Variants in RGS22 observed in about 807,000 individuals in gnomAD.
RGS22 encodes the protein regulator of G-protein signaling 22.
RGS22 carries 148 observed loss-of-function variants against 172.9 expected under a neutral mutation model. The ratio of observed to expected loss-of-function variants is 0.86; its 90% CI spans 0.75 to 0.98. The LOEUF is 0.98. Among genes scored for constraint, RGS22 ranks in the 50% least tolerant of loss-of-function variants. The pLI is 0.00. For missense variants in RGS22, 1,347 were observed against 1,440.8 expected (o/e 0.93, Z 1.05); for synonymous variants, 458 against 480.2 (o/e 0.95, Z 0.60).
chr8:100,095,922 G>C (rs1245750293), intron 2 of RGS22, among the ~76,000 whole-genome samples: 1 of 152,228 alleles, frequency 6.6e-6, no homozygotes, highest in Non-Finnish European at 1.5e-5. Flanking sequence ...TGGGAAATAA[G>C]TGTTGCCTGC....
intron 19 of RGS22, among the ~76,000 whole-genome samples, chr8:99,998,482 A>T (rs1814630434): frequency 6.6e-6 from 1 of 152,130 alleles, no homozygotes; most frequent in African/African-American, 2.4e-5. Context: ...AGGCAGGAAG[A>T]TTGATTGAGC....
chr8:99,983,640 C>T (rs1812783531), intron 21 of RGS22, among the ~76,000 whole-genome samples: 1 of 152,024 alleles, frequency 6.6e-6, no homozygotes, highest in African/African-American at 2.4e-5. Context: ...CCAAAATGAG[C>T]TAGTTTTAAA....
intron 19 of RGS22, among the ~76,000 whole-genome samples, chr8:99,997,004 C>G (rs1814472245): frequency 6.6e-6 from 1 of 152,148 alleles, no homozygotes; most frequent in Non-Finnish European, 1.5e-5. Flanking sequence ...ACTCTATCTC[C>G]CTGTCCATAG....
At chr8:99,966,171 CA>C (rs1290132170) in intron 23 of RGS22, among the ~76,000 whole-genome samples, 1 of 152,080 alleles carries the variant, frequency 6.6e-6, no homozygotes, top group African/African-American at 2.4e-5. Context: ...TCTTACTCAG[CA>C]ACAGAAAGTC....
intron 14 of RGS22, among the ~76,000 whole-genome samples, chr8:100,022,368 C>T (rs1039352962): frequency 2.0e-5 from 3 of 152,080 alleles, no homozygotes; most frequent in Non-Finnish European, 4.4e-5. Context: ...CAATTTGAAT[C>T]ATTTGGGACA....
intron 24 of RGS22, 134 bp from the exon 25 acceptor site, chr8:99,963,112 C>T (rs1250470101): frequency 1.5e-6 from 1 of 663,062 alleles, no homozygotes; most frequent in African/African-American, 1.9e-5. Flanking sequence ...AAGTGCACAT[C>T]ACAAGTTTAT....
At chr8:100,102,414 C>A (rs573148125) in intron 2 of RGS22, among the ~76,000 whole-genome samples, 3 of 152,316 alleles carry the variant, frequency 2.0e-5, no homozygotes, top group South Asian at 4.1e-4. Context: ...AGGTCCGTGA[C>A]ACATTTTTCC....
rs912975428 is a variant in RGS22, at chr8:100,024,963, G to A, written c.2166+13968C>T. On this transcript the variant is annotated intron_variant, in intron 14 of 27. Coordinates refer to ENST00000360863, the MANE Select transcript of RGS22 (RefSeq NM_015668.5). ...ATAATGGTGTTTCAGAGAAGTTCAG[G>A]TGTTGGCCTTTCTGGAAACAAGAGG... Among the ~76,000 whole-genome samples the A allele has an allele frequency of 2.6e-5, 4 of 151,968 alleles. No homozygotes were observed. The South Asian group carries it at 8.3e-4, about 32-fold the overall frequency.
intron 22 of RGS22, among the ~76,000 whole-genome samples, chr8:99,979,162 G>C (rs1045586764): frequency 2.0e-5 from 3 of 152,082 alleles, no homozygotes; most frequent in African/African-American, 7.2e-5. Context: ...GTAATCCCCT[G>C]TTCCAATGTT....
At chr8:100,002,134 T>C (rs1202717940) in intron 18 of RGS22, 68 bp downstream of exon 18, 10 of 1,262,652 alleles carry the variant, frequency 7.9e-6, no homozygotes, top group Non-Finnish European at 1.1e-5. Context: ...TTCAGGTTGT[T>C]GGCAAAAATA....
rs137870439 is a variant in RGS22 at position 100,052,906 on chromosome 8, G to T, written c.1585C>A (p.Leu529Ile). 1.2e-5 allele frequency: 19 copies of T among 1,614,082 alleles called. No individual in the cohort carries two copies. In the East Asian group the frequency reaches 1.8e-4, roughly 15 times the overall value. The change falls in exon 10 of 28, where the codon CTC becomes ATC. Residue 529 changes from leucine (L) to isoleucine (I), a missense_variant. Physicochemically the swap from Leu to Ile is conservative, Grantham distance 5. Transcript: ENST00000360863. ...YASAELKFWH[L>I]RQAKPRKDID... ...TCCTTCCTTGGTTTTGCTTGACGGA[G>T]GTGCCAGAATTTCAGTTCAGCACTA...
At chr8:99,972,196 T>C (rs1811439121) in intron 23 of RGS22, among the ~76,000 whole-genome samples, 1 of 152,148 alleles carries the variant, frequency 6.6e-6, no homozygotes, top group Non-Finnish European at 1.5e-5. Context: ...TGGCTAGCCA[T>C]ATGCAGAAAA....
In RGS22 at chr8:100,062,615, A is replaced by G. The variant is rs1810230153; in HGVS notation, c.1490T>C (p.Val497Ala). The G allele has an allele frequency of 6.2e-7, 1 of 1,603,572 alleles. No individual in the cohort carries two copies. ...CCAATACAGAAGTAAAGGTTTTAAAACTTCAGACTGAATATTTCTTAAATG... is the reference window on the plus strand; with the variant it reads ...CCAATACAGAAGTAAAGGTTTTAAAGCTTCAGACTGAATATTTCTTAAATG... ...EEHLRNIQSE[V>A]LKPLLLYWAP... The change falls in exon 9 of 28, where the codon GTT (valine) becomes GCT (alanine). Residue 497 changes from valine to alanine, a missense_variant. By Grantham distance (64) the Val-to-Ala change is moderately conservative. Transcript: ENST00000360863.
At chr8:99,980,170 T>A (rs954005817) in intron 22 of RGS22, among the ~76,000 whole-genome samples, 41 of 152,260 alleles carry the variant, frequency 2.7e-4, no homozygotes, top group African/African-American at 9.4e-4. Flanking sequence ...CCTCAAGCAA[T>A]CCTCCTGCCT....
intron 14 of RGS22, among the ~76,000 whole-genome samples, chr8:100,009,911 A>G (rs555515174): frequency 2.0e-5 from 3 of 152,342 alleles, no homozygotes; most frequent in African/African-American, 7.2e-5. Flanking sequence ...ATTCTGAAGA[A>G]GCCAATTTGG....
chr8:100,087,422 T>A (rs1007411372), intron 3 of RGS22, among the ~76,000 whole-genome samples: 2 of 152,156 alleles, frequency 1.3e-5, no homozygotes, highest in African/African-American at 2.4e-5. Context: ...CATCCATGTG[T>A]GAAAAATATT....
intron 7 of RGS22, among the ~76,000 whole-genome samples, chr8:100,065,363 A>AGGG (rs1451607408): frequency 1.3e-5 from 2 of 152,130 alleles, no homozygotes; most frequent in African/African-American, 4.8e-5. Context: ...TATATACTTC[A>AGGG]ATATTTTGGG....
intron 9 of RGS22, among the ~76,000 whole-genome samples, chr8:100,057,681 T>C (rs1003082996): frequency 2.0e-5 from 3 of 152,194 alleles, no homozygotes; most frequent in South Asian, 2.1e-4. Context: ...TCTGCCATGA[T>C]TGTGAGGCCT....
At chr8:100,076,945 A>G (rs1266523444) in intron 4 of RGS22, among the ~76,000 whole-genome samples, 1 of 152,102 alleles carries the variant, frequency 6.6e-6, no homozygotes, top group Non-Finnish European at 1.5e-5. Flanking sequence ...GTGAGCTGAG[A>G]TCGCCCCACT....
Sources: gnomAD v4.1 joint callset for allele counts (sites outside exome capture counted in the v4.1 genomes callset) on GRCh38, gnomAD v4.1.1 for gene constraint, MANE v1.5 for transcripts, NCBI Gene and HGNC (gene_info 2026-07-23, HGNC 2026-07-21) for gene names.